The following ANO10 variants were observed in gnomAD, a reference collection of about 807,000 sequenced individuals.
ANO10 encodes the protein anoctamin-10.
A neutral mutation model predicts 74.7 loss-of-function variants in ANO10; 77 were observed. The observed-to-expected ratio is 1.03, with a 90% CI of 0.86 to 1.25. ANO10 has a LOEUF of 1.25. ANO10 is among the 50% of genes most tolerant of loss of function. The pLI is 0.00. For missense variants in ANO10, 721 were observed against 778.1 expected (o/e 0.93, Z 0.87); for synonymous variants, 279 against 284.9 (o/e 0.98, Z 0.21).
chr3:43,529,299 A>G (rs1256154235), intron 11 of ANO10, among the ~76,000 whole-genome samples: 1 of 152,234 alleles, frequency 6.6e-6, no homozygotes, highest in East Asian at 1.9e-4. Flanking sequence ...CTGTCCTTCA[A>G]GTATACATGT....
intron 1 of ANO10, among the ~76,000 whole-genome samples, chr3:43,643,963 C>T (rs148456331): frequency 3.9e-5 from 6 of 152,232 alleles, no homozygotes; most frequent in East Asian, 1.9e-4. Flanking sequence ...GGATTACATG[C>T]GTGAGCCACC....
At chr3:43,391,326 C>G (rs530675238) in intron 12 of ANO10, among the ~76,000 whole-genome samples, 1 of 152,132 alleles carries the variant, frequency 6.6e-6, no homozygotes, top group Non-Finnish European at 1.5e-5. Flanking sequence ...AATAAAGCTG[C>G]AACTGACTAT....
At chr3:43,438,946 G>A (rs2093118121) in intron 11 of ANO10, among the ~76,000 whole-genome samples, 1 of 152,028 alleles carries the variant, frequency 6.6e-6, no homozygotes, top group Admixed American at 6.6e-5. Context: ...CAGAGGAGAA[G>A]AGACAGAAAG....
chr3:43,672,160 A>G (rs1466234500), intron 1 of ANO10, among the ~76,000 whole-genome samples: 2 of 152,160 alleles, frequency 1.3e-5, no homozygotes, highest in Non-Finnish European at 2.9e-5. Context: ...GATTACCTGG[A>G]TGGCACTTAT....
chr3:43,478,876 G>T (rs1245511307), intron 11 of ANO10, among the ~76,000 whole-genome samples: 1 of 152,124 alleles, frequency 6.6e-6, no homozygotes, highest in Non-Finnish European at 1.5e-5. Flanking sequence ...CCATTTTAAG[G>T]TTAGAGCATC....
At chr3:43,572,195 C>T (rs1260624922) in intron 7 of ANO10, among the ~76,000 whole-genome samples, 2 of 152,172 alleles carry the variant, frequency 1.3e-5, no homozygotes, top group African/African-American at 2.4e-5. Flanking sequence ...CTGTCAGTGC[C>T]AGGGGAGCCC....
chr3:43,626,583 G>A (rs955429542), upstream of ANO10, among the ~76,000 whole-genome samples: 30 of 152,172 alleles, frequency 2.0e-4, no homozygotes, highest in African/African-American at 6.5e-4. Flanking sequence ...TTACAGGCAT[G>A]AGCCACCATG....
intron 1 of ANO10, among the ~76,000 whole-genome samples, chr3:43,617,813 C>A (rs1306470865): frequency 6.6e-6 from 1 of 152,078 alleles, no homozygotes; most frequent in Admixed American, 6.5e-5. Context: ...CACCTTATTC[C>A]AGATTCAAAG....
intron 11 of ANO10, among the ~76,000 whole-genome samples, chr3:43,519,243 C>T (rs527811109): frequency 1.3e-5 from 2 of 152,282 alleles, no homozygotes; most frequent in Admixed American, 1.3e-4. Flanking sequence ...AAATTAACAG[C>T]ATTGTGCCTT....
At chr3:43,581,148 T>C (rs1575477172) in intron 4 of ANO10, among the ~76,000 whole-genome samples, 1 of 152,198 alleles carries the variant, frequency 6.6e-6, no homozygotes, top group Non-Finnish European at 1.5e-5. Flanking sequence ...TATAAAATTG[T>C]CTCCAGAAAA....
At chr3:43,584,424 CAG>C (rs1171617027) in intron 4 of ANO10, among the ~76,000 whole-genome samples, 3 of 152,118 alleles carry the variant, frequency 2.0e-5, no homozygotes, top group Admixed American at 1.3e-4. Context: ...CACTCATACC[CAG>C]AGAGAGAGTT....
intron 1 of ANO10, among the ~76,000 whole-genome samples, chr3:43,612,138 TTTTATATATATA>T (rs1296982551): frequency 2.0e-3 from 180 of 89,208 alleles, no homozygotes; most frequent in African/African-American, 7.9e-3. Context: ...AAATTAAATA[TTTTATATATATA>T]TATATATATA....
At chr3:43,492,844 G>T (rs910458741) in intron 11 of ANO10, among the ~76,000 whole-genome samples, 1 of 152,082 alleles carries the variant, frequency 6.6e-6, no homozygotes. Context: ...CGGTGGGAGT[G>T]TAAATTAGTT....
intron 11 of ANO10, among the ~76,000 whole-genome samples, chr3:43,547,996 G>C (rs191631572): frequency 6.4e-4 from 98 of 152,252 alleles, no homozygotes; most frequent in Non-Finnish European, 1.2e-3. Context: ...ATGGTTTTCA[G>C]GTTTTCTGCG....
chr3:43,471,624 A>C (rs1201251417), intron 11 of ANO10, among the ~76,000 whole-genome samples: 2 of 152,184 alleles, frequency 1.3e-5, no homozygotes, highest in Non-Finnish European at 2.9e-5. Flanking sequence ...AGTATTTAAA[A>C]AAGAAAGAAA....
At chr3:43,452,808 G>A (rs1392905807) in intron 11 of ANO10, among the ~76,000 whole-genome samples, 1 of 152,102 alleles carries the variant, frequency 6.6e-6, no homozygotes, top group African/African-American at 2.4e-5. Flanking sequence ...AGTGTACAAG[G>A]GTTTCAGTTG....
At chr3:43,476,664 G>A (rs1486366023) in intron 11 of ANO10, among the ~76,000 whole-genome samples, 2 of 151,730 alleles carry the variant, frequency 1.3e-5, no homozygotes, top group Non-Finnish European at 2.9e-5. Flanking sequence ...AGTTTTTATC[G>A]GTTTTTTCCC....
At chr3:43,612,679 C>A (rs1189020795) in intron 1 of ANO10, among the ~76,000 whole-genome samples, 2 of 152,202 alleles carry the variant, frequency 1.3e-5, no homozygotes, top group Admixed American at 6.5e-5. Context: ...AAATCAAACT[C>A]AAGGGAACAA....
chr3:43,403,020 C>G (rs972700285), intron 12 of ANO10, among the ~76,000 whole-genome samples: 2 of 152,234 alleles, frequency 1.3e-5, no homozygotes, highest in African/African-American at 4.8e-5. Context: ...ACACTTTGCT[C>G]TGCCCTCCCA....
Sources: gnomAD v4.1 joint callset for allele counts (sites outside exome capture counted in the v4.1 genomes callset) on GRCh38, gnomAD v4.1.1 for gene constraint, MANE v1.5 for transcripts, NCBI Gene and HGNC (gene_info 2026-07-23, HGNC 2026-07-21) for gene names.